The following GALNT13 variants were observed in gnomAD, a reference collection of about 807,000 sequenced individuals.
GALNT13 encodes UDP-GalNAc:polypeptide N-acetylgalactosaminyltransferase 13.
Under a neutral mutation model 64.2 loss-of-function variants are expected in GALNT13, and 28 were observed. That is an observed-to-expected ratio of 0.44 (90% CI 0.32 to 0.60). The LOEUF is 0.60. Among genes scored for constraint, GALNT13 ranks in the 20% least tolerant of loss-of-function variants. The pLI, the probability that GALNT13 is intolerant of heterozygous loss-of-function variation, is 0.05. For missense variants in GALNT13, 577 were observed against 669.8 expected, an observed-to-expected ratio of 0.86 and a Z score of 1.53; for synonymous variants, 214 against 224.6, an observed-to-expected ratio of 0.95 and a Z score of 0.42.
At chr2:153,297,734 G>T in the GALNT13 span, among the ~76,000 whole-genome samples, 394 of 152,298 alleles carry the variant, frequency 2.6e-3, no homozygotes, top group Non-Finnish European at 4.2e-3. Flanking sequence ...TCCACTAAAG[G>T]ACTAAATTGT....
the GALNT13 span, among the ~76,000 whole-genome samples, chr2:153,346,046 C>T: frequency 6.6e-6 from 1 of 152,012 alleles, no homozygotes; most frequent in East Asian, 1.9e-4. Context: ...GCGATCTCGG[C>T]TCACTGCAAC....
chr2:153,352,954 A>G, the GALNT13 span, among the ~76,000 whole-genome samples: 1 of 152,114 alleles, frequency 6.6e-6, no homozygotes, highest in Admixed American at 6.5e-5. Flanking sequence ...GCCTCTGTCT[A>G]TAAACTATAG....
intron 3 of GALNT13, among the ~76,000 whole-genome samples, chr2:154,013,690 A>C (rs2105255560): frequency 6.6e-6 from 1 of 152,166 alleles, no homozygotes; most frequent in Non-Finnish European, 1.5e-5. Context: ...GGCTGCCCAC[A>C]CATCAGCGAG....
At chr2:154,330,183 T>C (rs1474096513) in intron 9 of GALNT13, among the ~76,000 whole-genome samples, 2 of 152,024 alleles carry the variant, frequency 1.3e-5, no homozygotes, top group Non-Finnish European at 2.9e-5. Flanking sequence ...GGCTAGTAAA[T>C]TTTAAAAATG....
chr2:153,670,796 A>G, the GALNT13 span, among the ~76,000 whole-genome samples: 1 of 152,182 alleles, frequency 6.6e-6, no homozygotes, highest in South Asian at 2.1e-4. Context: ...TGGAAGCTAA[A>G]AACCTTGAAA....
the GALNT13 span, among the ~76,000 whole-genome samples, chr2:153,607,592 T>C: frequency 6.6e-6 from 1 of 152,184 alleles, no homozygotes; most frequent in Non-Finnish European, 1.5e-5. Flanking sequence ...TTCATTTCAG[T>C]TGAAAGATTA....
intron 4 of GALNT13, among the ~76,000 whole-genome samples, chr2:154,143,392 A>G (rs1358721416): frequency 1.3e-5 from 2 of 152,094 alleles, no homozygotes; most frequent in African/African-American, 2.4e-5. Context: ...ATGAGTGGCT[A>G]TGATACTTAT....
the GALNT13 span, among the ~76,000 whole-genome samples, chr2:153,392,329 A>T: frequency 6.6e-6 from 1 of 151,784 alleles, no homozygotes; most frequent in Admixed American, 6.6e-5. Context: ...AAAAAAATGA[A>T]ATATTAAAAA....
intron 9 of GALNT13, among the ~76,000 whole-genome samples, chr2:154,377,224 G>A (rs1698041042): frequency 6.6e-6 from 1 of 152,112 alleles, no homozygotes; most frequent in Non-Finnish European, 1.5e-5. Flanking sequence ...ATTCCTCTTT[G>A]ATAAGGACCT....
At chr2:153,604,704 T>C in the GALNT13 span, among the ~76,000 whole-genome samples, 2 of 152,186 alleles carry the variant, frequency 1.3e-5, no homozygotes, top group Admixed American at 1.3e-4. Flanking sequence ...TCAGTGTATA[T>C]CATTGGTATC....
the GALNT13 span, among the ~76,000 whole-genome samples, chr2:153,490,993 T>C: frequency 1.3e-5 from 2 of 151,780 alleles, no homozygotes; most frequent in Non-Finnish European, 2.9e-5. Flanking sequence ...AAGGAATATC[T>C]ATTAACTCAA....
At chr2:154,247,163 A>C (rs1689827116) in intron 7 of GALNT13, among the ~76,000 whole-genome samples, 1 of 152,076 alleles carries the variant, frequency 6.6e-6, no homozygotes, top group Non-Finnish European at 1.5e-5. Flanking sequence ...AAAGAGAAAA[A>C]TAAAATGTGA....
the GALNT13 span, among the ~76,000 whole-genome samples, chr2:153,323,969 C>T: frequency 6.6e-6 from 1 of 152,100 alleles, no homozygotes; most frequent in Non-Finnish European, 1.5e-5. Context: ...CTTGGCTATA[C>T]AGTCTCTTTT....
At chr2:153,930,961 A>G (rs1200175749) in intron 2 of GALNT13, among the ~76,000 whole-genome samples, 1 of 151,762 alleles carries the variant, frequency 6.6e-6, no homozygotes, top group East Asian at 1.9e-4. Context: ...ATGAGCATAG[A>G]CTGTTTAACC....
chr2:153,246,603 G>T, the GALNT13 span, among the ~76,000 whole-genome samples: 1 of 152,298 alleles, frequency 6.6e-6, no homozygotes, highest in African/African-American at 2.4e-5. Flanking sequence ...AATGCTGAGG[G>T]ATTTTGTCAC....
Position 154,323,250 on chromosome 2 carries a change from T to G in GALNT13, c.1156+21661T>G, listed in dbSNP as rs553744863. Among the ~76,000 whole-genome samples the G allele has an allele frequency of 4.0e-5, 6 of 151,700 alleles. No individual in the cohort carries two copies. In the South Asian group the frequency reaches 1.0e-3, roughly 26 times the overall value. ...GCTTGAGGCTACAGTGAGCTGTAAT[T>G]GTGCCATTGCACCTCACTGCCTAGT... On this transcript the variant is annotated intron_variant, in intron 9 of 12. Coordinates refer to ENST00000392825, the MANE Select transcript of GALNT13 (RefSeq NM_052917.4).
At chr2:153,113,387 C>A in the GALNT13 span, among the ~76,000 whole-genome samples, 1 of 151,978 alleles carries the variant, frequency 6.6e-6, no homozygotes, top group Non-Finnish European at 1.5e-5. Context: ...TCAGCAAACC[C>A]ACCTAGATTC....
At chr2:154,416,415 G>C (rs1559142974) in intron 11 of GALNT13, among the ~76,000 whole-genome samples, 1 of 152,018 alleles carries the variant, frequency 6.6e-6, no homozygotes, top group Admixed American at 6.6e-5. Flanking sequence ...GAGACTTCAT[G>C]ACTTGATCAC....
At chr2:154,428,156 G>A (rs987961583) in intron 11 of GALNT13, among the ~76,000 whole-genome samples, 4 of 152,106 alleles carry the variant, frequency 2.6e-5, no homozygotes, top group Admixed American at 1.3e-4. Flanking sequence ...CCCAGAGGAT[G>A]CAAAGGTCCA....
Sources: gnomAD v4.1 joint callset for allele counts (sites outside exome capture counted in the v4.1 genomes callset) on GRCh38, gnomAD v4.1.1 for gene constraint, MANE v1.5 for transcripts, NCBI Gene and HGNC (gene_info 2026-07-23, HGNC 2026-07-21) for gene names.